The following PCDHA11 variants were observed in gnomAD, a reference collection of about 807,000 sequenced individuals.
PCDHA11 encodes the protein protocadherin alpha-11.
A neutral mutation model predicts 70.3 loss-of-function variants in PCDHA11; 61 were observed. The ratio of observed to expected loss-of-function variants is 0.87; its 90% CI spans 0.71 to 1.07. The LOEUF is 1.07. Ranked by LOEUF, PCDHA11 falls within the 50% of genes least tolerant of loss-of-function variation. PCDHA11 has a pLI of 0.00. For synonymous variants in PCDHA11, 633 were observed against 555.1 expected (o/e 1.14, Z -1.97); for missense variants, 1,324 against 1,237.5 (o/e 1.07, Z -1.05).
At chr5:140,954,065 G>A (rs2153701349) in intron 1 of PCDHA11, among the ~76,000 whole-genome samples, 1 of 152,278 alleles carries the variant, frequency 6.6e-6, no homozygotes, top group African/African-American at 2.4e-5. Context: ...TTATTATGCT[G>A]AGGATAATGG....
At chr5:140,946,477 T>C (rs1223421073) in intron 1 of PCDHA11, among the ~76,000 whole-genome samples, 2 of 151,720 alleles carry the variant, frequency 1.3e-5, no homozygotes, top group Non-Finnish European at 2.9e-5. Flanking sequence ...ACTGGGTATA[T>C]ATCCAAAGGA....
At chr5:140,890,697 C>G (rs1479609896) in intron 1 of PCDHA11, among the ~76,000 whole-genome samples, 1 of 152,124 alleles carries the variant, frequency 6.6e-6, no homozygotes, top group Non-Finnish European at 1.5e-5. Context: ...ATGCAGGGAC[C>G]TTACATTTTT....
In PCDHA11 at chr5:140,871,640, A is replaced by T; in HGVS notation, c.2391+146A>T. 6 of 1,294,228 alleles carry T rather than the reference A, an allele frequency of 4.6e-6. No homozygotes were observed. The South Asian group carries it at 9.7e-5, about 21-fold the overall frequency. 80.2% of individuals were successfully genotyped at this position (1,294,228 alleles called of 1,614,324 possible). A position where few individuals can be genotyped will look rare whatever the true frequency, so the allele number is the denominator to read the frequency against. On this transcript the variant is annotated intron_variant, in intron 1 of 3. Transcript: ENST00000398640. The stretch of plus-strand genomic sequence containing the variant: ...TTAGATAACAATGTCTGTTCATAAA[A>T]TACCAAATGATACACATCTTCAGTC...
intron 1 of PCDHA11, among the ~76,000 whole-genome samples, chr5:140,940,458 C>T (rs1041159084): frequency 4.0e-5 from 6 of 151,806 alleles, no homozygotes; most frequent in African/African-American, 1.5e-4. Context: ...TTATAGGTTT[C>T]TGTTCCCTGC....
intron 1 of PCDHA11, chr5:140,927,125 G>C (rs782734791): frequency 6.2e-7 from 1 of 1,614,076 alleles, no homozygotes; most frequent in Admixed American, 1.7e-5. Flanking sequence ...TTGGTGGTCA[G>C]AGAGCCGGCG....
rs1554202543 is a variant in PCDHA11 at position 140,925,106 on chromosome 5, G to GA, written c.2391+53613dup. The stretch of plus-strand genomic sequence containing the variant: ...GAAAGGAAGGAAGGAAGGAAGGAAG[G>GA]AGGGAAGGAAGGAAGGAAAAAAAAT... On this transcript the variant is annotated intron_variant, in intron 1 of 3. Coordinates refer to ENST00000398640, the MANE Select transcript of PCDHA11 (RefSeq NM_018902.5). Among the ~76,000 whole-genome samples the GA allele has an allele frequency of 6.6e-3, 1,003 of 151,180 alleles. 6 individuals are homozygous for GA. Among genetic ancestry groups the GA allele is most frequent in the African/African-American group, 0.017 (687 of 41,108 alleles).
intron 3 of PCDHA11, among the ~76,000 whole-genome samples, chr5:141,009,289 T>C (rs1474871800): frequency 1.4e-4 from 22 of 152,136 alleles, no homozygotes; most frequent in African/African-American, 5.1e-4. Context: ...ATCCCATTTC[T>C]ATAAAATTTT....
chr5:140,886,565 C>T (rs1298575680), intron 1 of PCDHA11, among the ~76,000 whole-genome samples: 1 of 152,100 alleles, frequency 6.6e-6, no homozygotes, highest in Admixed American at 6.5e-5. Flanking sequence ...CGGTGGCTCA[C>T]GCCTGTAATC....
chr5:140,965,374 G>A (rs1554227648), intron 1 of PCDHA11, among the ~76,000 whole-genome samples: 1 of 152,098 alleles, frequency 6.6e-6, no homozygotes, highest in Admixed American at 6.6e-5. Flanking sequence ...AGGAAACTTG[G>A]GGACACAGAA....
chr5:141,010,499 T>C lies in PCDHA11; in HGVS notation c.*562T>C. ...GTGTAAACTTAAAGGGACCAGACTTTCTAAATCTTACAACTCAAGAGGTGG... is the reference window on the plus strand; with the variant it reads ...GTGTAAACTTAAAGGGACCAGACTTCCTAAATCTTACAACTCAAGAGGTGG... On this transcript the variant is annotated 3_prime_UTR_variant, in exon 4 of 4. Coordinates refer to ENST00000398640, the MANE Select transcript of PCDHA11 (RefSeq NM_018902.5). 1.7e-6 allele frequency: 1 copy of C among 586,170 alleles called. No individual in the cohort carries two copies. Among genetic ancestry groups the C allele is most frequent in the Non-Finnish European group, 2.7e-6 (1 of 372,458 alleles). 36.3% of individuals were successfully genotyped at this position (586,170 alleles called of 1,614,324 possible).
At chr5:140,906,829 C>T (rs2072974984) in intron 1 of PCDHA11, among the ~76,000 whole-genome samples, 1 of 152,244 alleles carries the variant, frequency 6.6e-6, no homozygotes, top group Non-Finnish European at 1.5e-5. Context: ...GAGTAGTAGA[C>T]TGATTTCATC....
At chr5:140,938,209 G>C (rs1210350140) in intron 1 of PCDHA11, among the ~76,000 whole-genome samples, 1 of 152,160 alleles carries the variant, frequency 6.6e-6, no homozygotes, top group Admixed American at 6.5e-5. Flanking sequence ...GCCTCCCAAA[G>C]TGCTGGGATT....
rs139167552 is a variant in PCDHA11, at chr5:140,939,382, C to T, written c.2392-39567C>T. On this transcript the variant is annotated intron_variant, in intron 1 of 3. Coordinates refer to ENST00000398640, the MANE Select transcript of PCDHA11 (RefSeq NM_018902.5). ...CAAAGGAGGAGGGAACACAAACATT[C>T]AGATCATAGCAAGTTTGTGTAAATC... 3.9e-5 allele frequency among the ~76,000 whole-genome samples: 6 copies of T among 152,258 alleles called. No homozygotes were observed. The East Asian group carries it at 1.2e-3, about 29-fold the overall frequency.
intron 1 of PCDHA11, among the ~76,000 whole-genome samples, chr5:140,886,185 G>A (rs2060887176): frequency 6.6e-6 from 1 of 152,072 alleles, no homozygotes; most frequent in African/African-American, 2.4e-5. Context: ...CCTAATGCTG[G>A]CAAGCAGTAA....
intron 3 of PCDHA11, among the ~76,000 whole-genome samples, chr5:141,006,264 T>C (rs2098264343): frequency 6.6e-6 from 1 of 152,148 alleles, no homozygotes; most frequent in Non-Finnish European, 1.5e-5. Flanking sequence ...CAGGCTGGAC[T>C]GCAGTGGCAC....
intron 1 of PCDHA11, among the ~76,000 whole-genome samples, chr5:140,898,193 A>G (rs1352716396): frequency 1.7e-4 from 26 of 152,114 alleles, no homozygotes; most frequent in African/African-American, 5.3e-4. Flanking sequence ...CTTTAGTTTA[A>G]TTAGATCCCA....
At chr5:140,926,728 T>G in intron 1 of PCDHA11, 4 of 1,061,710 alleles carry the variant, frequency 3.8e-6, no homozygotes, top group Non-Finnish European at 5.0e-6. Flanking sequence ...AATGCCGGCG[T>G]TCGGGAGGCG....
chr5:140,945,425 G>T (rs246059), intron 1 of PCDHA11, among the ~76,000 whole-genome samples: 85,681 of 151,722 alleles, frequency 0.56, 24,785 homozygotes, highest in African/African-American at 0.69. Flanking sequence ...TTTCAATGAA[G>T]TTTTTACAGA....
intron 1 of PCDHA11, chr5:140,883,531 T>C (rs782406173): frequency 6.8e-6 from 11 of 1,614,092 alleles, no homozygotes; most frequent in Middle Eastern, 1.6e-4. Flanking sequence ...TATCAGCCTA[T>C]GAACTGGTGG....
Sources: allele counts gnomAD v4.1 joint callset (sites outside exome capture counted in the v4.1 genomes callset), GRCh38; gene constraint gnomAD v4.1.1; transcripts MANE v1.5; gene names NCBI Gene and HGNC (gene_info 2026-07-23, HGNC 2026-07-21).